ZBTB20: variants seen among roughly 807,000 people sequenced by gnomAD.
The protein encoded by ZBTB20 is zinc finger and BTB domain containing 20, also known as zinc finger and BTB domain-containing protein 20.
A neutral mutation model predicts 56.9 loss-of-function variants in ZBTB20; 9 were observed. That is an observed-to-expected ratio of 0.16 (90% CI 0.10 to 0.28). The LOEUF (loss-of-function observed/expected upper bound fraction) is 0.28. ZBTB20 is among the 10% of genes least tolerant of loss of function. The pLI is 1.00. For missense variants in ZBTB20, 655 were observed against 1,003.0 expected (o/e 0.65, Z 4.69); for synonymous variants, 417 against 420.7 (o/e 0.99, Z 0.11).
intron 1 of ZBTB20, among the ~76,000 whole-genome samples, chr3:115,085,851 C>T (rs2082966323): frequency 1.3e-5 from 2 of 151,648 alleles, no homozygotes; most frequent in South Asian, 4.2e-4. Flanking sequence ...TCTTTTTGTT[C>T]TGGTTCAGAA....
At chr3:114,541,621 T>C (rs1261374200) in intron 6 of ZBTB20, among the ~76,000 whole-genome samples, 2 of 152,152 alleles carry the variant, frequency 1.3e-5, no homozygotes, top group African/African-American at 4.8e-5. Context: ...AGAGCATTTA[T>C]GTAATAAACA....
At chr3:114,597,310 C>T (rs1031670826) in intron 6 of ZBTB20, among the ~76,000 whole-genome samples, 8 of 152,122 alleles carry the variant, frequency 5.3e-5, no homozygotes, top group African/African-American at 2.4e-5. Context: ...GGAAAATATA[C>T]GAGTCAGTTA....
At chr3:115,006,590 A>T (rs564319527) in intron 2 of ZBTB20, among the ~76,000 whole-genome samples, 54 of 151,616 alleles carry the variant, frequency 3.6e-4, no homozygotes, top group South Asian at 2.7e-3. Context: ...TGGCAAAAAT[A>T]TATTGTGCCT....
At chr3:114,488,134 C>G (rs535169556) in intron 7 of ZBTB20, among the ~76,000 whole-genome samples, 6 of 152,156 alleles carry the variant, frequency 3.9e-5, no homozygotes, top group Non-Finnish European at 8.8e-5. Flanking sequence ...ACCTCCCAAC[C>G]CAGAAATGTC....
At position 114,945,436 on chromosome 3, in the gene ZBTB20, A is replaced by T. The variant is rs897817274; in HGVS notation, c.-456+28930T>A. Among the ~76,000 whole-genome samples the T allele has an allele frequency of 3.4e-5, 5 of 145,536 alleles. No homozygotes were observed. The South Asian group carries it at 1.1e-3, about 31-fold the overall frequency. On this transcript the variant is annotated intron_variant, in intron 3 of 11. Transcript: ENST00000675478. The stretch of plus-strand genomic sequence containing the variant: ...AGCACTTGAAGAATTATAATTCAGG[A>T]CAATGATAAGACAAAAAATGAGAGA...
At chr3:115,079,685 C>T (rs377330668) in intron 1 of ZBTB20, among the ~76,000 whole-genome samples, 79 of 152,262 alleles carry the variant, frequency 5.2e-4, no homozygotes, top group African/African-American at 8.2e-4. Flanking sequence ...TGAGCCACTG[C>T]GCCCTGCCCC....
intron 7 of ZBTB20, among the ~76,000 whole-genome samples, chr3:114,468,314 A>G (rs1413949325): frequency 6.6e-6 from 1 of 152,244 alleles, no homozygotes; most frequent in East Asian, 1.9e-4. Context: ...TAGCTTTAGC[A>G]TATGTTCAAA....
intron 5 of ZBTB20, among the ~76,000 whole-genome samples, chr3:114,787,639 G>A (rs1225630453): frequency 1.3e-5 from 2 of 151,758 alleles, no homozygotes; most frequent in East Asian, 3.9e-4. Context: ...GATAGTGGTG[G>A]TGGTGCTTGT....
intron 6 of ZBTB20, among the ~76,000 whole-genome samples, chr3:114,614,324 A>T (rs1207482785): frequency 1.3e-5 from 2 of 152,218 alleles, no homozygotes; most frequent in East Asian, 3.8e-4. Flanking sequence ...TGGCTCTTAC[A>T]GATTTTAATT....
chr3:115,016,422 C>A (rs1187652500), intron 2 of ZBTB20, among the ~76,000 whole-genome samples: 1 of 151,912 alleles, frequency 6.6e-6, no homozygotes, highest in Non-Finnish European at 1.5e-5. Flanking sequence ...GTCAGATTTT[C>A]TTCTAGGGTT....
At chr3:114,429,250 C>G (rs570435723) in intron 7 of ZBTB20, among the ~76,000 whole-genome samples, 41 of 152,198 alleles carry the variant, frequency 2.7e-4, no homozygotes, top group African/African-American at 9.6e-4. Flanking sequence ...TGTTTTATAT[C>G]TACAATACAA....
intron 5 of ZBTB20, among the ~76,000 whole-genome samples, chr3:114,782,300 T>C (rs540943779): frequency 1.3e-5 from 2 of 152,324 alleles, no homozygotes; most frequent in African/African-American, 4.8e-5. Context: ...GGCATATTTC[T>C]GGATTGAATG....
chr3:114,874,963 G>A (rs2076138618), intron 4 of ZBTB20, among the ~76,000 whole-genome samples: 1 of 152,160 alleles, frequency 6.6e-6, no homozygotes, highest in African/African-American at 2.4e-5. Context: ...CTTTCTATGT[G>A]TAAGCAATGT....
At chr3:114,593,073 G>T (rs1253676002) in intron 6 of ZBTB20, among the ~76,000 whole-genome samples, 1 of 152,164 alleles carries the variant, frequency 6.6e-6, no homozygotes, top group Admixed American at 6.5e-5. Context: ...TTTCATTATG[G>T]AGACATGTAC....
intron 7 of ZBTB20, among the ~76,000 whole-genome samples, chr3:114,420,702 G>T (rs952884275): frequency 3.9e-5 from 6 of 152,128 alleles, no homozygotes; most frequent in African/African-American, 1.4e-4. Context: ...AATAAGTAAA[G>T]ACAACTCTAA....
At chr3:114,800,509 T>C (rs894595449) in intron 5 of ZBTB20, among the ~76,000 whole-genome samples, 1 of 151,782 alleles carries the variant, frequency 6.6e-6, no homozygotes, top group African/African-American at 2.4e-5. Flanking sequence ...CGGGAAGACA[T>C]AAGATGTGCT....
chr3:114,345,027 C>T (rs2080078381), intron 11 of ZBTB20, among the ~76,000 whole-genome samples: 1 of 151,730 alleles, frequency 6.6e-6, no homozygotes, highest in South Asian at 2.1e-4. Context: ...ACAATATATT[C>T]TATAGCAAAT....
intron 10 of ZBTB20, among the ~76,000 whole-genome samples, chr3:114,377,271 G>C (rs1369596317): frequency 1.3e-5 from 2 of 152,128 alleles, no homozygotes; most frequent in African/African-American, 2.4e-5. Flanking sequence ...GGTAATGGGG[G>C]AATATTGCTA....
chr3:114,852,936 T>C (rs2075072565), intron 4 of ZBTB20, among the ~76,000 whole-genome samples: 1 of 152,208 alleles, frequency 6.6e-6, no homozygotes, highest in South Asian at 2.1e-4. Flanking sequence ...TGGATCTGCT[T>C]AGTGTTCTCA....
Sources: gnomAD v4.1 joint callset for allele counts (sites outside exome capture counted in the v4.1 genomes callset) on GRCh38, gnomAD v4.1.1 for gene constraint, MANE v1.5 for transcripts, NCBI Gene and HGNC (gene_info 2026-07-23, HGNC 2026-07-21) for gene names.